ANKRD11: variants seen among roughly 807,000 people sequenced by gnomAD.
ANKRD11 encodes the protein ankyrin repeat domain-containing protein 11.
A neutral mutation model predicts 195.7 loss-of-function variants in ANKRD11; 17 were observed. The observed-to-expected ratio is 0.09, with a 90% CI of 0.06 to 0.13. The LOEUF (loss-of-function observed/expected upper bound fraction) is 0.13. ANKRD11 is among the 10% of genes least tolerant of loss of function. ANKRD11 has a pLI of 1.00. For missense variants in ANKRD11, 3,735 were observed against 3,566.1 expected, an observed-to-expected ratio of 1.05 and a Z score of -1.21; for synonymous variants, 1,953 against 1,528.1, an observed-to-expected ratio of 1.28 and a Z score of -6.49.
chr16:89,471,722 T>C (rs1015155040), intron 1 of ANKRD11, among the ~76,000 whole-genome samples: 2 of 136,194 alleles, frequency 1.5e-5, no homozygotes, highest in African/African-American at 2.8e-5. Flanking sequence ...GAGGCAGAGG[T>C]TGCAGTGAGC....
At chr16:89,368,480 G>A (rs4785663) in intron 2 of ANKRD11, among the ~76,000 whole-genome samples, 85,861 of 146,990 alleles carry the variant, frequency 0.58, 24,918 homozygotes, top group Middle Eastern at 0.76. Context: ...CTCGGCCTCC[G>A]AAGTGCTGGG....
At chr16:89,389,760 G>A (rs915188230) in intron 2 of ANKRD11, among the ~76,000 whole-genome samples, 7 of 149,564 alleles carry the variant, frequency 4.7e-5, no homozygotes, top group South Asian at 2.2e-4. Context: ...GGGGAGCACC[G>A]AGAGAGAAGA....
Position 89,281,099 on chromosome 16 carries a change from C to A in ANKRD11, c.5443G>T (p.Val1815Phe), listed in dbSNP as rs760015367. The A allele has an allele frequency of 6.2e-7, 1 of 1,610,026 alleles. No individual in the cohort carries two copies. The highest frequency in any genetic ancestry group is 2.2e-5 in the East Asian group (1 of 44,768). The change falls in exon 9 of 13, where the codon GTT (valine) becomes TTT (phenylalanine). Residue 1815 changes from valine (V) to phenylalanine (F), a missense_variant. Transcript: ENST00000301030. This position sits in a 1 kb window ranked among gnomAD's most constrained non-coding sequence, Gnocchi z 5.5. ...GAGTCGTAGCTGGAGGCAGCAGGAACGCTCTGCTGCCTGAAGAGCTTGTCT... is the reference window on the plus strand; with the variant it reads ...GAGTCGTAGCTGGAGGCAGCAGGAAAGCTCTGCTGCCTGAAGAGCTTGTCT... ...VGDKLFRQQS[V>F]PAASSYDSPM...
intron 2 of ANKRD11, among the ~76,000 whole-genome samples, chr16:89,415,760 G>A (rs2042273814): frequency 6.9e-6 from 1 of 145,126 alleles, no homozygotes; most frequent in Non-Finnish European, 1.5e-5. Flanking sequence ...TCTGGGAGGT[G>A]GAGGTTGCAG....
intron 1 of ANKRD11, among the ~76,000 whole-genome samples, chr16:89,435,185 C>A (rs915260618): frequency 6.6e-6 from 1 of 152,062 alleles, no homozygotes; most frequent in African/African-American, 2.4e-5. Context: ...TCTGTAAAAA[C>A]GCACCAATCA....
chr16:89,292,445 G>A (rs959786791), intron 4 of ANKRD11, among the ~76,000 whole-genome samples: 4 of 152,164 alleles, frequency 2.6e-5, no homozygotes, highest in Non-Finnish European at 2.9e-5. Flanking sequence ...TGTGCCCGTC[G>A]ATTTCCTAAG....
At chr16:89,429,245 T>G (rs1555575698) in intron 1 of ANKRD11, among the ~76,000 whole-genome samples, 1 of 98,782 alleles carries the variant, frequency 1.0e-5, no homozygotes, top group Non-Finnish European at 2.3e-5. Context: ...GACGTTCTAG[T>G]ACACAGCAGG....
At position 89,490,551 on chromosome 16, in the gene ANKRD11, G is replaced by C. The variant is rs1222186520; in HGVS notation, c.-451C>G. The C allele has an allele frequency of 4.2e-5, 18 of 428,442 alleles. No homozygotes were observed. Among genetic ancestry groups the C allele is most frequent in the East Asian group, 3.7e-4 (10 of 27,186 alleles). 26.5% of individuals were successfully genotyped at this position (428,442 alleles called of 1,614,324 possible). A position where few individuals can be genotyped will look rare whatever the true frequency, so the allele number is the denominator to read the frequency against. On this transcript the variant is annotated 5_prime_UTR_variant, in exon 1 of 13. Coordinates refer to ENST00000301030, the MANE Select transcript of ANKRD11 (RefSeq NM_013275.6). ...CCTCGGTCCATCGCGCACCGTCTCA[G>C]GGCGGCCTCTGGCTCCAGGACCCAG...
Position 89,281,268 on chromosome 16 carries a change from G to C in ANKRD11, c.5274C>G (p.Pro1758=), listed in dbSNP as rs367764283. ...VPTAPTSACS[P]SFFDRFSVAS... is the part of the protein sequence containing the mutation. ...CCACGGAGAACCTGTCGAAAAAGGA[G>C]GGGGAGCAGGCGCTGGTGGGAGCGG... The change falls in exon 9 of 13, where the codon CCC becomes CCG. Residue 1758 remains proline (P), a synonymous_variant. Coordinates refer to ENST00000301030, the MANE Select transcript of ANKRD11 (RefSeq NM_013275.6). This position sits in a 1 kb window ranked among gnomAD's most constrained non-coding sequence, Gnocchi z 5.5. The C allele has an allele frequency of 2.5e-6, 4 of 1,614,254 alleles. No homozygotes were observed. Among genetic ancestry groups the C allele is most frequent in the Non-Finnish European group, 3.4e-6 (4 of 1,180,048 alleles).
At chr16:89,297,853 C>T (rs531946094) in intron 4 of ANKRD11, 1 of 152,208 alleles carries the variant, frequency 6.6e-6, no homozygotes, top group Non-Finnish European at 1.5e-5. Context: ...GGGCCTACCC[C>T]TGTCTGCTGC....
rs200171620 is a variant in ANKRD11 at position 89,282,112 on chromosome 16, C to T, written c.4430G>A (p.Arg1477Gln). 1.1e-5 allele frequency: 18 copies of T among 1,613,902 alleles called. No individual in the cohort carries two copies. The highest frequency in any genetic ancestry group is 2.7e-5 in the African/African-American group (2 of 74,898). ...EKWRDEKERH[R>Q]DRHADGLLRH... is the part of the protein sequence containing the mutation. ...CAGCAGCCCATCCGCATGCCTGTCC[C>T]GGTGCCTCTCCTTCTCGTCTCTCCA... is the stretch of plus-strand genomic sequence containing the variant. The change falls in exon 9 of 13, where the codon CGG (arginine) becomes CAG (glutamine). Residue 1477 changes from arginine (R) to glutamine (Q), a missense_variant. Arg to Gln is a conservative substitution (Grantham distance 43, BLOSUM62 1). Coordinates refer to ENST00000301030, the MANE Select transcript of ANKRD11 (RefSeq NM_013275.6).
intron 2 of ANKRD11, among the ~76,000 whole-genome samples, chr16:89,406,468 G>A (rs932497167): frequency 8.5e-5 from 13 of 152,212 alleles, no homozygotes; most frequent in African/African-American, 3.1e-4. Flanking sequence ...ACGGGCAAAG[G>A]AGCCACCGTG....
At position 89,283,925 on chromosome 16, in the gene ANKRD11, C is replaced by T; in HGVS notation, c.2617G>A (p.Val873Met). The change falls in exon 9 of 13, where the codon GTG becomes ATG. Residue 873 changes from valine to methionine, a missense_variant. By Grantham distance (21) the Val-to-Met change is conservative (BLOSUM62 1). Transcript: ENST00000301030. This position sits in a 1 kb window ranked among gnomAD's most constrained non-coding sequence, Gnocchi z 4.3. The stretch of plus-strand genomic sequence containing the variant: ...ACCGTCTCCAAGATGAGCTTGGCCA[C>T]AGAGTCGCTCTTCATGTCCCTGTAG... The part of the protein sequence containing the change: ...TDYRDMKSDS[V>M]AKLILETVKE... 1 of 1,614,182 alleles carries T rather than the reference C, an allele frequency of 6.2e-7. No homozygotes were observed. The highest frequency in any genetic ancestry group is 8.5e-7 in the Non-Finnish European group (1 of 1,180,050).
Position 89,280,467 on chromosome 16 carries a change from G to A in ANKRD11, c.6075C>T (p.Tyr2025=), listed in dbSNP as rs1244299332. 11 of 1,602,156 alleles carry A rather than the reference G, an allele frequency of 6.9e-6. No homozygotes were observed. Among genetic ancestry groups the A allele is most frequent in the Admixed American group, 1.7e-5 (1 of 58,962 alleles). The change falls in exon 9 of 13, where the codon TAC becomes TAT. Residue 2025 remains tyrosine (Y), a synonymous_variant. Transcript: ENST00000301030. ...YPAPPASPAP[Y]ALPVAEPGLE... is the part of the protein sequence containing the mutation. The stretch of plus-strand genomic sequence containing the variant: ...GCCCCGGCTCAGCGACGGGCAGAGC[G>A]TACGGGGCAGGAGAGGCGGGAGGGG...
In ANKRD11 at chr16:89,282,906, C is replaced by G. The variant is rs778513620; in HGVS notation, c.3636G>C (p.Glu1212Asp). The change falls in exon 9 of 13, where the codon GAG (glutamate) becomes GAC (aspartate). Residue 1212 changes from glutamate to aspartate, a missense_variant. Coordinates refer to ENST00000301030, the MANE Select transcript of ANKRD11 (RefSeq NM_013275.6). The part of the protein sequence containing the change: ...FEKHKEKKDK[E>D]STEKYKDRKD... ...TCCTGTCCTTGTACTTTTCTGTGGACTCTTTATCCTTCTTCTCCTTGTGCT... is the reference window on the plus strand; with the variant it reads ...TCCTGTCCTTGTACTTTTCTGTGGAGTCTTTATCCTTCTTCTCCTTGTGCT... 25 of 1,612,970 alleles carry G rather than the reference C, an allele frequency of 1.5e-5. No homozygotes were observed. The highest frequency in any genetic ancestry group is 3.4e-6 in the Non-Finnish European group (4 of 1,179,984).
intron 1 of ANKRD11, among the ~76,000 whole-genome samples, chr16:89,485,429 G>GAATCCA (rs2057579836): frequency 6.6e-6 from 1 of 152,104 alleles, no homozygotes; most frequent in South Asian, 2.1e-4. Context: ...GGGAGGCAGA[G>GAATCCA]GTTGCTATGA....
intron 4 of ANKRD11, among the ~76,000 whole-genome samples, chr16:89,297,334 C>T (rs903606151): frequency 2.0e-5 from 3 of 152,106 alleles, no homozygotes; most frequent in East Asian, 3.8e-4. Flanking sequence ...GTTTCCATGG[C>T]GATATTTTCA....
At chr16:89,384,499 G>A (rs2040805419) in intron 2 of ANKRD11, among the ~76,000 whole-genome samples, 2 of 151,828 alleles carry the variant, frequency 1.3e-5, no homozygotes. Context: ...AGATGGAAAT[G>A]GGACAGGATG....
chr16:89,366,065 G>A (rs1047405506), intron 2 of ANKRD11, among the ~76,000 whole-genome samples: 18 of 150,118 alleles, frequency 1.2e-4, no homozygotes, highest in Non-Finnish European at 2.2e-4. Flanking sequence ...GGAAGGTGGA[G>A]GTTGCAGTGA....
Sources: allele counts gnomAD v4.1 joint callset (sites outside exome capture counted in the v4.1 genomes callset), GRCh38; gene constraint gnomAD v4.1.1; non-coding constraint Gnocchi (gnomAD v3.1); transcripts MANE v1.5; gene names NCBI Gene and HGNC (gene_info 2026-07-23, HGNC 2026-07-21).